CERS1: variants seen among roughly 807,000 people sequenced by gnomAD.
The protein encoded by CERS1 is Embryonic growth/differentiation factor 1.
Under a neutral mutation model 35.7 loss-of-function variants are expected in CERS1, and 16 were observed. The ratio of observed to expected loss-of-function variants is 0.45; its 90% confidence interval spans 0.30 to 0.68. The LOEUF (loss-of-function observed/expected upper bound fraction) is 0.68. Among genes scored for constraint, CERS1 ranks in the 30% least tolerant of loss-of-function variants. The pLI, the probability that CERS1 is intolerant of heterozygous loss-of-function variation, is 0.08. For missense variants in CERS1, 454 were observed against 453.9 expected, an observed-to-expected ratio of 1.00 and a Z score of 0.00; for synonymous variants, 243 against 201.6, an observed-to-expected ratio of 1.21 and a Z score of -1.74.
At chr19:18,889,429 T>G (rs991466018) in intron 2 of CERS1, among the ~76,000 whole-genome samples, 1 of 151,850 alleles carries the variant, frequency 6.6e-6, no homozygotes, top group African/African-American at 2.4e-5. Context: ...CTCTCCCTCG[T>G]TTTTTGAGAA....
chr19:18,888,803 C>T (rs2056423336), intron 2 of CERS1, among the ~76,000 whole-genome samples: 1 of 151,816 alleles, frequency 6.6e-6, no homozygotes, highest in African/African-American at 2.4e-5. Flanking sequence ...GTACTCCAGC[C>T]TGGGCAACAA....
intron 4 of CERS1, 95 bp downstream of exon 4, chr19:18,880,179 C>T: frequency 7.5e-7 from 1 of 1,340,484 alleles, no homozygotes; most frequent in Non-Finnish European, 1.0e-6. Context: ...TCACCGGGCC[C>T]CGCCTCCTTC....
intron 6 of CERS1, among the ~76,000 whole-genome samples, chr19:18,877,108 C>T (rs1023501987): frequency 4.6e-5 from 7 of 152,332 alleles, no homozygotes; most frequent in African/African-American, 1.2e-4. Flanking sequence ...CTTGGAGAAT[C>T]GAATTCTGCT....
intron 1 of CERS1, among the ~76,000 whole-genome samples, chr19:18,894,520 G>A (rs2056577429): frequency 6.6e-6 from 1 of 152,134 alleles, no homozygotes; most frequent in Admixed American, 6.5e-5. Context: ...GGCTGGGGAG[G>A]GCCCCCGGGG....
intron 6 of CERS1, among the ~76,000 whole-genome samples, chr19:18,876,652 T>C (rs1027246257): frequency 2.0e-5 from 3 of 151,982 alleles, no homozygotes; most frequent in Non-Finnish European, 4.4e-5. Context: ...CCCAAAGTGC[T>C]GGGATTACAG....
At chr19:18,894,170 A>C (rs987654692) in intron 1 of CERS1, among the ~76,000 whole-genome samples, 2 of 139,296 alleles carry the variant, frequency 1.4e-5, no homozygotes, top group Non-Finnish European at 3.1e-5. Context: ...AAGGTGTCAC[A>C]GGCGAGGTGA....
intron 6 of CERS1, among the ~76,000 whole-genome samples, chr19:18,877,522 C>T (rs2056079786): frequency 6.6e-6 from 1 of 152,158 alleles, no homozygotes; most frequent in South Asian, 2.1e-4. Context: ...GAGGCTAAGG[C>T]ATGTGGACCA....
chr19:18,894,748 G>A (rs2056584085), intron 1 of CERS1, among the ~76,000 whole-genome samples: 1 of 152,156 alleles, frequency 6.6e-6, no homozygotes, highest in South Asian at 2.1e-4. Context: ...CCTCATGTGG[G>A]TGATATGGGG....
intron 6 of CERS1, among the ~76,000 whole-genome samples, chr19:18,876,536 T>TTGTGTGTGTGTGTG (rs60266196): frequency 5.0e-4 from 72 of 143,274 alleles, no homozygotes; most frequent in African/African-American, 1.8e-3. Flanking sequence ...TTTGATTGGG[T>TTGTGTGTGTGTGTG]TGTGTGTGTG....
chr19:18,870,384 T>C lies in CERS1; in HGVS notation c.*193A>G. 5.4e-6 allele frequency: 8 copies of C among 1,490,852 alleles called. No homozygotes were observed. Among genetic ancestry groups the C allele is most frequent in the Non-Finnish European group, 7.2e-6 (8 of 1,110,196 alleles). 92.4% of individuals were successfully genotyped at this position (1,490,852 alleles called of 1,614,324 possible). ...ACCAGTGGGCTGAGGGCGGGGCCGG[T>C]GTCCCCGGAGGGGCAGGGGTCCTGG... On this transcript the variant is annotated 3_prime_UTR_variant, in exon 7 of 8. Transcript: ENST00000623882. The surrounding 1 kb of genome is among the most constrained non-coding windows in gnomAD (Gnocchi z 5.1).
Position 18,876,536 on chromosome 19 carries a change from T to TTGTGTGTGTGTGTGTGTGTG in CERS1, c.1010+2374_1010+2393dup, listed in dbSNP as rs60266196. ...TTTGTTTTGTTTTGTTTTGATTGGG[T>TTGTGTGTGTGTGTGTGTGTG]TGTGTGTGTGTGTGTGTGTGTGTGT... On this transcript the variant is annotated intron_variant, in intron 6 of 7. Coordinates refer to ENST00000623882, the MANE Select transcript of CERS1 (RefSeq NM_021267.5). 2.4e-4 allele frequency among the ~76,000 whole-genome samples: 34 copies of TTGTGTGTGTGTGTGTGTGTG among 143,276 alleles called. 1 individual carries two copies. The highest frequency in any genetic ancestry group is 8.8e-4 in the African/African-American group (34 of 38,678). The allele number at this position is 143,276 out of a possible 152,430, so 94.0% of individuals were successfully genotyped here.
Position 18,870,437 on chromosome 19 carries a change from A to T in CERS1, c.*140T>A. The T allele has an allele frequency of 1.2e-5, 9 of 729,214 alleles. No individual in the cohort carries two copies. Among genetic ancestry groups the T allele is most frequent in the Admixed American group, 2.6e-5 (1 of 38,836 alleles). The allele number at this position is 729,214 out of a possible 1,614,324, so 45.2% of individuals were successfully genotyped here. ...GGCGTGGCCGGGAACTGGAGGCAGG[A>T]TGAGGGGGCGGGGTCCCAGGGGAGG... On this transcript the variant is annotated 3_prime_UTR_variant, in exon 7 of 8. Coordinates refer to ENST00000623882, the MANE Select transcript of CERS1 (RefSeq NM_021267.5). The surrounding 1 kb of genome is among the most constrained non-coding windows in gnomAD (Gnocchi z 5.1).
chr19:18,883,043 C>G (rs1555705092), intron 3 of CERS1: 1 of 152,150 alleles, frequency 6.6e-6, no homozygotes, highest in Non-Finnish European at 1.5e-5. Flanking sequence ...AGGTTGAACT[C>G]AAACTTCTGG....
intron 6 of CERS1, among the ~76,000 whole-genome samples, chr19:18,872,972 C>T (rs1280993579): frequency 6.6e-6 from 1 of 152,216 alleles, no homozygotes; most frequent in Non-Finnish European, 1.5e-5. Flanking sequence ...CTCTGATGGA[C>T]ACCTTTTGGC....
Position 18,870,219 on chromosome 19 carries a change from GGGGCGCGGGTCAGGGGCAGCGA to G in CERS1, c.*336_*357del. 1 of 1,556,484 alleles carries G rather than the reference GGGGCGCGGGTCAGGGGCAGCGA, an allele frequency of 6.4e-7. No homozygotes were observed. Among genetic ancestry groups the G allele is most frequent in the Non-Finnish European group, 8.6e-7 (1 of 1,156,344 alleles). On this transcript the variant is annotated 3_prime_UTR_variant, in exon 7 of 8. Transcript: ENST00000623882. This position sits in a 1 kb window ranked among gnomAD's most constrained non-coding sequence, Gnocchi z 5.1. ...GGCGGCGGCTGGGCCTGGGGGCACG[GGGGCGCGGGTCAGGGGCAGCGA>G]GGGCAGCAGCAGGGCCAGGAGGAGG...
intron 6 of CERS1, among the ~76,000 whole-genome samples, chr19:18,873,706 G>C (rs1002868334): frequency 2.0e-5 from 3 of 151,560 alleles, no homozygotes; most frequent in African/African-American, 4.8e-5. Context: ...GCCAGGTGTG[G>C]TGTACACGCC....
chr19:18,879,133 G>A (rs1174281183), intron 5 of CERS1, 94 bp from the exon 6 acceptor site: 28 of 1,586,642 alleles, frequency 1.8e-5, no homozygotes, highest in Admixed American at 5.3e-5. Context: ...CCCTCCACAC[G>A]GGCTGTCTGC....
intron 4 of CERS1, among the ~76,000 whole-genome samples, 171 bp downstream of exon 4, chr19:18,880,103 A>G (rs766998600): frequency 3.7e-4 from 54 of 146,010 alleles, no homozygotes; most frequent in Non-Finnish European, 6.9e-4. Flanking sequence ...CCTTTCCTGT[A>G]TAGCCCCGCC....
At chr19:18,884,477 G>A (rs554489357) in intron 2 of CERS1, among the ~76,000 whole-genome samples, 1 of 151,684 alleles carries the variant, frequency 6.6e-6, no homozygotes, top group African/African-American at 2.4e-5. Context: ...GGAGTGCAGT[G>A]GCATGATCTC....
Sources: gnomAD v4.1 joint callset for allele counts (sites outside exome capture counted in the v4.1 genomes callset) on GRCh38, gnomAD v4.1.1 for gene constraint, Gnocchi (gnomAD v3.1) non-coding constraint, MANE v1.5 for transcripts, NCBI Gene and HGNC (gene_info 2026-07-23, HGNC 2026-07-21) for gene names.